The following EFNA2 variants were observed in gnomAD, a reference collection of about 807,000 sequenced individuals.
The protein encoded by EFNA2 is ephrin A2.
EFNA2 carries 18 observed loss-of-function variants against 19.7 expected under a neutral mutation model. That is an observed-to-expected ratio of 0.91 (90% CI 0.63 to 1.35). The LOEUF is 1.35. EFNA2 is among the 40% of genes most tolerant of loss of function. EFNA2 has a pLI of 0.00. For synonymous variants in EFNA2, 187 were observed against 137.8 expected (o/e 1.36, Z -2.50); for missense variants, 303 against 296.0 (o/e 1.02, Z -0.17).
chr19:1,295,932 G>A lies in EFNA2; in HGVS notation c.454+74G>A. The A allele has an allele frequency of 1.4e-6, 2 of 1,385,416 alleles. No homozygotes were observed. The highest frequency in any genetic ancestry group is 1.9e-6 in the Non-Finnish European group (2 of 1,048,344). The allele number at this position is 1,385,416 out of a possible 1,614,324, so 85.8% of individuals were successfully genotyped here. On this transcript the variant is annotated intron_variant, in intron 2 of 3. Transcript: ENST00000215368. The surrounding 1 kb of genome is among the most constrained non-coding windows in gnomAD (Gnocchi z 5.8). The stretch of plus-strand genomic sequence containing the variant: ...CGGGGGCGGGGCCAGGAAGTGGGCG[G>A]GACCACTGGGGTGGGGCCGGGGAGT...
chr19:1,299,497 A>G (rs1035523746), intron 3 of EFNA2, among the ~76,000 whole-genome samples: 1 of 151,724 alleles, frequency 6.6e-6, no homozygotes, highest in African/African-American at 2.4e-5. Flanking sequence ...CGGAGGTTGC[A>G]GTGAGCCCAG....
At chr19:1,285,057 G>A (rs2081456941), upstream of EFNA2, among the ~76,000 whole-genome samples, 1 of 152,210 alleles carries the variant, frequency 6.6e-6, no homozygotes. The surrounding 1 kb of genome is among the most constrained non-coding windows in gnomAD (Gnocchi z 4.1). Flanking sequence ...AGACCAGCGT[G>A]GCCAACATGG....
At position 1,286,323 on chromosome 19, in the gene EFNA2, G is replaced by A. The variant is rs1180346775; in HGVS notation, c.140+15G>A. ...AGCAACCCCAGGTGAGCGCGGCCGC[G>A]CGCGGGGGGCGCCCGGGGACCCCCC... On this transcript the variant is annotated intron_variant, in intron 1 of 3. Transcript: ENST00000215368. This position sits in a 1 kb window ranked among gnomAD's most constrained non-coding sequence, Gnocchi z 5.6. 2 of 989,288 alleles carry A rather than the reference G, an allele frequency of 2.0e-6. No individual in the cohort carries two copies. Among genetic ancestry groups the A allele is most frequent in the Middle Eastern group, 5.1e-4 (1 of 1,952 alleles). The allele number at this position is 989,288 out of a possible 1,614,324, so 61.3% of individuals were successfully genotyped here.
chr19:1,296,740 C>T lies in EFNA2; in HGVS notation c.454+882C>T, dbSNP rs2081517547. Reference sequence around the variant, plus strand: ...CCAGGTCCTCCCTGCCCCGCACCCACCCCCGCATCTCCCCGGGACCCATGC... The same window carrying T: ...CCAGGTCCTCCCTGCCCCGCACCCATCCCCGCATCTCCCCGGGACCCATGC... On this transcript the variant is annotated intron_variant, in intron 2 of 3. Transcript: ENST00000215368. This position sits in a 1 kb window ranked among gnomAD's most constrained non-coding sequence, Gnocchi z 4.4. 6.6e-6 allele frequency among the ~76,000 whole-genome samples: 1 copy of T among 152,186 alleles called. No individual in the cohort carries two copies. Among genetic ancestry groups the T allele is most frequent in the South Asian group, 2.1e-4 (1 of 4,830 alleles).
intron 2 of EFNA2, among the ~76,000 whole-genome samples, chr19:1,298,262 A>G (rs2081525023): frequency 6.6e-6 from 1 of 151,830 alleles, no homozygotes; most frequent in Non-Finnish European, 1.5e-5. Flanking sequence ...TCATTTTCCG[A>G]GCTCACCCTG....
chr19:1,300,370 C>T lies in EFNA2; in HGVS notation c.*425C>T, dbSNP rs2081536906. 6.3e-6 allele frequency: 1 copy of T among 158,196 alleles called. No individual in the cohort carries two copies. The highest frequency in any genetic ancestry group is 2.4e-5 in the African/African-American group (1 of 40,934). 9.8% of individuals were successfully genotyped at this position (158,196 alleles called of 1,614,324 possible). On this transcript the variant is annotated 3_prime_UTR_variant, in exon 4 of 4. Transcript: ENST00000215368. ...CGGGGCGGGGTCCCTGTGCCCTGGCCTGGGGGAGGGGAACGCGGAACATGG... is the reference window on the plus strand; with the variant it reads ...CGGGGCGGGGTCCCTGTGCCCTGGCTTGGGGGAGGGGAACGCGGAACATGG...
rs1421897969 is a variant in EFNA2 at position 1,294,906 on chromosome 19, A to T, written c.141-639A>T. ...GGAGGAGGCGGCACAGATGTTAAGC[A>T]TGTTAGGTAGATGCGAAGTTTCTGG... On this transcript the variant is annotated intron_variant, in intron 1 of 3. Coordinates refer to ENST00000215368, the MANE Select transcript of EFNA2 (RefSeq NM_001405.4). The surrounding 1 kb of genome is among the most constrained non-coding windows in gnomAD (Gnocchi z 5.8). 2.6e-5 allele frequency among the ~76,000 whole-genome samples: 4 copies of T among 152,086 alleles called. No homozygotes were observed. The highest frequency in any genetic ancestry group is 5.9e-5 in the Non-Finnish European group (4 of 68,012).
chr19:1,289,373 T>C lies in EFNA2; in HGVS notation c.140+3065T>C, dbSNP rs753263193. On this transcript the variant is annotated intron_variant, in intron 1 of 3. Transcript: ENST00000215368. Reference sequence around the variant, plus strand: ...TGTGCGTGTCTGCGTGTGGGGTGCATGTAAGTGTGTCTCCCTGGGGGCAGT... The same window carrying C: ...TGTGCGTGTCTGCGTGTGGGGTGCACGTAAGTGTGTCTCCCTGGGGGCAGT... Among the ~76,000 whole-genome samples, 65 of 152,148 alleles carry C rather than the reference T, an allele frequency of 4.3e-4. 1 individual carries two copies. The highest frequency in any genetic ancestry group is 2.2e-4 in the Non-Finnish European group (15 of 68,000).
rs909801723 is a variant in EFNA2 at position 1,300,874 on chromosome 19, G to T, written c.*929G>T. 2.0e-5 allele frequency among the ~76,000 whole-genome samples: 3 copies of T among 152,070 alleles called. No individual in the cohort carries two copies. Among genetic ancestry groups the T allele is most frequent in the African/African-American group, 4.8e-5 (2 of 41,372 alleles). The stretch of plus-strand genomic sequence containing the variant: ...CCTTCTGTTCCTGTAAATACAGCCA[G>T]CAAGTGCAAACTGTGATTTTATTTT... On this transcript the variant is annotated 3_prime_UTR_variant, in exon 4 of 4. Coordinates refer to ENST00000215368, the MANE Select transcript of EFNA2 (RefSeq NM_001405.4).
In EFNA2 at chr19:1,294,107, C is replaced by A. The variant is rs1008124346; in HGVS notation, c.141-1438C>A. Among the ~76,000 whole-genome samples, 4 of 152,246 alleles carry A rather than the reference C, an allele frequency of 2.6e-5. No homozygotes were observed. The highest frequency in any genetic ancestry group is 9.6e-5 in the African/African-American group (4 of 41,462). On this transcript the variant is annotated intron_variant, in intron 1 of 3. Coordinates refer to ENST00000215368, the MANE Select transcript of EFNA2 (RefSeq NM_001405.4). This position sits in a 1 kb window ranked among gnomAD's most constrained non-coding sequence, Gnocchi z 5.8. ...CCATGTGCTGCCAACACTGGTGGGG[C>A]CTCAGTTTCCCCTGCCTGTGCATGG... is the stretch of plus-strand genomic sequence containing the variant.
chr19:1,300,278 G>GTTTTTTTTTTTTTTT lies in EFNA2; in HGVS notation c.*334_*335insTTTTTTTTTTTTTTT, dbSNP rs1600063478. The GTTTTTTTTTTTTTTT allele has an allele frequency of 6.6e-5, 6 of 91,146 alleles. No homozygotes were observed. The highest frequency in any genetic ancestry group is 7.8e-5 in the Non-Finnish European group (4 of 50,980). 5.6% of individuals were successfully genotyped at this position (91,146 alleles called of 1,614,324 possible). The stretch of plus-strand genomic sequence containing the variant: ...TTTTTTTTTTTTTTTTTTTTTTTTA[G>GTTTTTTTTTTTTTTT]TGTATTTTTCGTGGTTGGATCAAAA... On this transcript the variant is annotated 3_prime_UTR_variant, in exon 4 of 4. Transcript: ENST00000215368.
Position 1,287,008 on chromosome 19 carries a change from G to A in EFNA2, c.140+700G>A, listed in dbSNP as rs1042397407. Among the ~76,000 whole-genome samples, 1 of 152,206 alleles carries A rather than the reference G, an allele frequency of 6.6e-6. No individual in the cohort carries two copies. The highest frequency in any genetic ancestry group is 1.5e-5 in the Non-Finnish European group (1 of 68,026). ...AGGAGCTGGCTCAAGGTCATGCAAGGGGGGGACTTGGGGGCAGGACCCAGG... is the reference window on the plus strand; with the variant it reads ...AGGAGCTGGCTCAAGGTCATGCAAGAGGGGGACTTGGGGGCAGGACCCAGG... On this transcript the variant is annotated intron_variant, in intron 1 of 3. Transcript: ENST00000215368. The surrounding 1 kb of genome is among the most constrained non-coding windows in gnomAD (Gnocchi z 6.2).
chr19:1,299,280 C>A (rs1286089675), intron 3 of EFNA2, among the ~76,000 whole-genome samples: 1 of 151,604 alleles, frequency 6.6e-6, no homozygotes, highest in Non-Finnish European at 1.5e-5. Flanking sequence ...ACAGAGTGGC[C>A]GGGCACGGTG....
At position 1,289,861 on chromosome 19, in the gene EFNA2, C is replaced by T. The variant is rs553348006; in HGVS notation, c.140+3553C>T. On this transcript the variant is annotated intron_variant, in intron 1 of 3. Coordinates refer to ENST00000215368, the MANE Select transcript of EFNA2 (RefSeq NM_001405.4). ...GGCGTCCCTCGGCCTCTCGGGGAGC[C>T]GGCTTTGAAGGGGGTGATGCCGTGT... Among the ~76,000 whole-genome samples, 4 of 152,258 alleles carry T rather than the reference C, an allele frequency of 2.6e-5. No individual in the cohort carries two copies. In the South Asian group the frequency reaches 6.2e-4, roughly 24 times the overall value.
In EFNA2 at chr19:1,288,779, C is replaced by T. The variant is rs1000042799; in HGVS notation, c.140+2471C>T. 5.3e-5 allele frequency among the ~76,000 whole-genome samples: 8 copies of T among 151,894 alleles called. No individual in the cohort carries two copies. In the South Asian group the frequency reaches 6.2e-4, roughly 12 times the overall value. On this transcript the variant is annotated intron_variant, in intron 1 of 3. Coordinates refer to ENST00000215368, the MANE Select transcript of EFNA2 (RefSeq NM_001405.4). ...CTTGGGCCGCTATAAGGTGGGGCCCCGTTGGGTGGTCTGGCTGGCCGGCCC... is the reference window on the plus strand; with the variant it reads ...CTTGGGCCGCTATAAGGTGGGGCCCTGTTGGGTGGTCTGGCTGGCCGGCCC...
In EFNA2 at chr19:1,295,930, C is replaced by A; in HGVS notation, c.454+72C>A. 3.1e-6 allele frequency: 1 copy of A among 321,982 alleles called. No individual in the cohort carries two copies. Among genetic ancestry groups the A allele is most frequent in the Non-Finnish European group, 5.5e-6 (1 of 183,436 alleles). 19.9% of individuals were successfully genotyped at this position (321,982 alleles called of 1,614,324 possible). A position where few individuals can be genotyped will look rare whatever the true frequency, so the allele number is the denominator to read the frequency against. ...CGCGGGGGCGGGGCCAGGAAGTGGG[C>A]GGGACCACTGGGGTGGGGCCGGGGA... is the stretch of plus-strand genomic sequence containing the variant. On this transcript the variant is annotated intron_variant, in intron 2 of 3. Transcript: ENST00000215368. The surrounding 1 kb of genome is among the most constrained non-coding windows in gnomAD (Gnocchi z 5.8).
At chr19:1,292,267 C>T (rs1010181406) in intron 1 of EFNA2, among the ~76,000 whole-genome samples, 9 of 152,204 alleles carry the variant, frequency 5.9e-5, no homozygotes, top group Non-Finnish European at 1.2e-4. Context: ...ATTTTAGAGA[C>T]GCAAAGGGAA....
Position 1,286,363 on chromosome 19 carries a change from C to T in EFNA2, c.140+55C>T. On this transcript the variant is annotated intron_variant, in intron 1 of 3. Transcript: ENST00000215368. The surrounding 1 kb of genome is among the most constrained non-coding windows in gnomAD (Gnocchi z 5.6). ...GGGGACCCCCCAACGCCCCCCAAGC[C>T]GCGCCCGGCCTCGCGCCCCCGGAGC... 1 of 949,142 alleles carries T rather than the reference C, an allele frequency of 1.1e-6. No homozygotes were observed. The highest frequency in any genetic ancestry group is 1.3e-6 in the Non-Finnish European group (1 of 799,024). 58.8% of individuals were successfully genotyped at this position (949,142 alleles called of 1,614,324 possible).
rs1159452473 is a variant in EFNA2 at position 1,301,232 on chromosome 19, T to C, written c.*1287T>C. On this transcript the variant is annotated 3_prime_UTR_variant, in exon 4 of 4. Coordinates refer to ENST00000215368, the MANE Select transcript of EFNA2 (RefSeq NM_001405.4). The stretch of plus-strand genomic sequence containing the variant: ...CTCTGTGTTTTATATATATTATATA[T>C]AAATATATATTGTGTACGGCCGCCG... Among the ~76,000 whole-genome samples the C allele has an allele frequency of 2.1e-5, 3 of 146,026 alleles. No individual in the cohort carries two copies. Among genetic ancestry groups the C allele is most frequent in the African/African-American group, 7.6e-5 (3 of 39,704 alleles).
Sources: gnomAD v4.1 joint callset for allele counts (sites outside exome capture counted in the v4.1 genomes callset) on GRCh38, gnomAD v4.1.1 for gene constraint, Gnocchi (gnomAD v3.1) non-coding constraint, MANE v1.5 for transcripts, NCBI Gene and HGNC (gene_info 2026-07-23, HGNC 2026-07-21) for gene names.